KCTD16: variants seen among roughly 807,000 people sequenced by gnomAD.
KCTD16 encodes the protein BTB/POZ domain-containing protein KCTD16.
In KCTD16, 13 loss-of-function variants were observed where a neutral mutation model predicts 33.2. That is an observed-to-expected ratio of 0.39 (90% CI 0.25 to 0.62). The LOEUF (loss-of-function observed/expected upper bound fraction) is 0.62, where lower values mean the gene tolerates loss of function less well. Ranked by LOEUF, KCTD16 falls within the 20% of genes least tolerant of loss-of-function variation. KCTD16 has a pLI of 0.50. For synonymous variants in KCTD16, 197 were observed against 195.3 expected (o/e 1.01, Z -0.07); for missense variants, 441 against 525.1 (o/e 0.84, Z 1.57).
intron 3 of KCTD16, among the ~76,000 whole-genome samples, chr5:144,334,961 G>A (rs993110550): frequency 2.1e-4 from 32 of 151,100 alleles, no homozygotes; most frequent in African/African-American, 6.8e-4. Context: ...TTTATTTTTT[G>A]TAGAGATCTG....
At position 144,375,739 on chromosome 5, in the gene KCTD16, C is replaced by A. The variant is rs140692684; in HGVS notation, c.833-97921C>A. Among the ~76,000 whole-genome samples, 139 of 152,194 alleles carry A rather than the reference C, an allele frequency of 9.1e-4. 2 individuals carry two copies. In the East Asian group the frequency reaches 0.024, roughly 26 times the overall value. ...ATTTGAAAATGGAGAGGTGAGAAACCAAGATGTGCTTCCTAGGACCAATAT... is the reference window on the plus strand; with the variant it reads ...ATTTGAAAATGGAGAGGTGAGAAACAAAGATGTGCTTCCTAGGACCAATAT... On this transcript the variant is annotated intron_variant, in intron 3 of 3. Transcript: ENST00000512467.
chr5:144,414,308 T>A (rs968481672), intron 3 of KCTD16, among the ~76,000 whole-genome samples: 1 of 152,206 alleles, frequency 6.6e-6, no homozygotes, highest in African/African-American at 2.4e-5. Context: ...AAGTGCTACA[T>A]ACCCTCAGAA....
intron 3 of KCTD16, among the ~76,000 whole-genome samples, chr5:144,433,960 C>T (rs571889004): frequency 7.2e-5 from 11 of 152,230 alleles, no homozygotes; most frequent in Middle Eastern, 3.4e-3. Context: ...ATTATGCTGG[C>T]CCAGAAAGAA....
chr5:144,366,928 G>A (rs914024458), intron 3 of KCTD16, among the ~76,000 whole-genome samples: 1 of 152,186 alleles, frequency 6.6e-6, no homozygotes, highest in African/African-American at 2.4e-5. Flanking sequence ...ATATTGAGCA[G>A]AAATCTGAGA....
At chr5:144,355,353 CTTCAGAAGGAATA>C (rs1157970268) in intron 3 of KCTD16, among the ~76,000 whole-genome samples, 1 of 152,106 alleles carries the variant, frequency 6.6e-6, no homozygotes, top group African/African-American at 2.4e-5. Context: ...GTTCAGAGAC[CTTCAGAAGGAATA>C]TTCAGAAGAC....
rs559522585 is a variant in KCTD16 at position 144,170,888 on chromosome 5, A to C, written c.-614A>C. 1 of 152,376 alleles carries C rather than the reference A, an allele frequency of 6.6e-6. No individual in the cohort carries two copies. Among genetic ancestry groups the C allele is most frequent in the South Asian group, 2.1e-4 (1 of 4,824 alleles). 9.4% of individuals were successfully genotyped at this position (152,376 alleles called of 1,614,324 possible). A position where few individuals can be genotyped will look rare whatever the true frequency, so the allele number is the denominator to read the frequency against. On this transcript the variant is annotated 5_prime_UTR_variant, in exon 1 of 4. Transcript: ENST00000512467. ...GGAGTTTCTCAGACCTAGGTGATGG[A>C]GGAAGACTGGGAGGCGCTAAAATGA... is the stretch of plus-strand genomic sequence containing the variant.
intron 3 of KCTD16, among the ~76,000 whole-genome samples, chr5:144,470,463 A>T (rs1389687585): frequency 6.6e-6 from 1 of 152,164 alleles, no homozygotes; most frequent in Admixed American, 6.5e-5. Flanking sequence ...TAGTACTATT[A>T]ATCCTATAAT....
chr5:144,454,226 C>A (rs1475172352), intron 3 of KCTD16, among the ~76,000 whole-genome samples: 1 of 152,150 alleles, frequency 6.6e-6, no homozygotes, highest in East Asian at 1.9e-4. Context: ...CCCAATCAGT[C>A]TTTAGCTGTT....
At chr5:144,431,776 A>G (rs1237704123) in intron 3 of KCTD16, among the ~76,000 whole-genome samples, 1 of 152,196 alleles carries the variant, frequency 6.6e-6, no homozygotes, top group African/African-American at 2.4e-5. Context: ...AATACTATGT[A>G]CAAAATAGAT....
intron 3 of KCTD16, among the ~76,000 whole-genome samples, chr5:144,209,599 G>A (rs1000412716): frequency 2.0e-5 from 3 of 151,730 alleles, no homozygotes; most frequent in Admixed American, 2.0e-4. Flanking sequence ...AACAGCTTCC[G>A]TGCAGCTGCT....
At chr5:144,233,062 G>C (rs1754151523) in intron 3 of KCTD16, among the ~76,000 whole-genome samples, 1 of 152,048 alleles carries the variant, frequency 6.6e-6, no homozygotes, top group Non-Finnish European at 1.5e-5. Context: ...AGCAATATTG[G>C]AAAACATGGA....
At chr5:144,349,210 C>G in intron 3 of KCTD16, among the ~76,000 whole-genome samples, 1 of 152,284 alleles carries the variant, frequency 6.6e-6, no homozygotes, top group South Asian at 2.1e-4. Flanking sequence ...AAGGCACTCT[C>G]CTTTAAGCCC....
At chr5:144,355,340 T>C (rs1751547796) in intron 3 of KCTD16, among the ~76,000 whole-genome samples, 1 of 152,222 alleles carries the variant, frequency 6.6e-6, no homozygotes, top group Non-Finnish European at 1.5e-5. Context: ...TTCTTGCTTT[T>C]AAGTTCAGAG....
At position 144,465,779 on chromosome 5, in the gene KCTD16, CTTTTTTGTT is replaced by C. The variant is rs1275425742; in HGVS notation, c.833-7874_833-7866del. On this transcript the variant is annotated intron_variant, in intron 3 of 3. Coordinates refer to ENST00000512467, the MANE Select transcript of KCTD16 (RefSeq NM_020768.4). The stretch of plus-strand genomic sequence containing the variant: ...TCTTGAACAATTGCTCCAAATTTAA[CTTTTTTGTT>C]TTTTTTTTTTTTTGCCAGGAGGATT... 5.4e-5 allele frequency among the ~76,000 whole-genome samples: 7 copies of C among 129,872 alleles called. 1 individual carries two copies. In the East Asian group the frequency reaches 1.0e-3, roughly 19 times the overall value. The allele number at this position is 129,872 out of a possible 152,430, so 85.2% of individuals were successfully genotyped here.
chr5:144,337,743 GCT>G (rs1395526173), intron 3 of KCTD16, among the ~76,000 whole-genome samples: 1 of 152,082 alleles, frequency 6.6e-6, no homozygotes, highest in Non-Finnish European at 1.5e-5. Flanking sequence ...TCATCATTCA[GCT>G]CTCTGTTCCA....
intron 3 of KCTD16, among the ~76,000 whole-genome samples, chr5:144,446,594 G>C (rs1269377933): frequency 6.6e-6 from 1 of 152,084 alleles, no homozygotes; most frequent in Admixed American, 6.6e-5. Flanking sequence ...CACAGCGAAA[G>C]AAACTATCAT....
chr5:144,390,907 G>A (rs749212724), intron 3 of KCTD16, among the ~76,000 whole-genome samples: 1 of 152,118 alleles, frequency 6.6e-6, no homozygotes, highest in African/African-American at 2.4e-5. Flanking sequence ...AAGCAAGATT[G>A]AGTTGATTAG....
intron 3 of KCTD16, among the ~76,000 whole-genome samples, chr5:144,241,045 C>T (rs965423384): frequency 1.3e-5 from 2 of 152,046 alleles, no homozygotes; most frequent in African/African-American, 4.8e-5. Context: ...ATCTTTCATG[C>T]TTGGAAGCTA....
intron 3 of KCTD16, among the ~76,000 whole-genome samples, chr5:144,321,206 G>A (rs1246820331): frequency 1.3e-5 from 2 of 151,936 alleles, no homozygotes; most frequent in Non-Finnish European, 2.9e-5. Flanking sequence ...GAAACCCAAT[G>A]ATCTCATCAT....
Sources: gnomAD v4.1 joint callset for allele counts (sites outside exome capture counted in the v4.1 genomes callset) on GRCh38, gnomAD v4.1.1 for gene constraint, MANE v1.5 for transcripts, NCBI Gene and HGNC (gene_info 2026-07-23, HGNC 2026-07-21) for gene names.